Variants in CISD1 observed in about 807,000 individuals in gnomAD.
CISD1 encodes the protein CDGSH iron-sulfur domain-containing protein 1.
In CISD1, 8 loss-of-function variants were observed where a neutral mutation model predicts 12.0. The ratio of observed to expected loss-of-function variants is 0.67; its 90% CI spans 0.39 to 1.20. The LOEUF is 1.20. CISD1 is among the 50% of genes most tolerant of loss of function. CISD1 has a pLI of 0.01. For synonymous variants in CISD1, 38 were observed against 42.2 expected (o/e 0.90, Z 0.39); for missense variants, 107 against 132.7 (o/e 0.81, Z 0.95).
At position 58,288,820 on chromosome 10, in the gene CISD1, CAATT is replaced by C. The variant is rs1245633826; in HGVS notation, c.*1171_*1174del. The C allele has an allele frequency of 2.6e-5, 4 of 152,044 alleles. No individual in the cohort carries two copies. Among genetic ancestry groups the C allele is most frequent in the Non-Finnish European group, 4.4e-5 (3 of 67,876 alleles). The allele number at this position is 152,044 out of a possible 1,614,324, so 9.4% of individuals were successfully genotyped here. On this transcript the variant is annotated 3_prime_UTR_variant, in exon 3 of 3. Coordinates refer to ENST00000333926, the MANE Select transcript of CISD1 (RefSeq NM_018464.5). The stretch of plus-strand genomic sequence containing the variant: ...CAAAATTTACAGAAAATTGGGCAAA[CAATT>C]GAAATTGATAAAGCAGGTAAACATC...
chr10:58,281,360 A>G (rs1839371838), intron 2 of CISD1, among the ~76,000 whole-genome samples: 1 of 152,124 alleles, frequency 6.6e-6, no homozygotes, highest in African/African-American at 2.4e-5. Flanking sequence ...CAGTTTTCTC[A>G]TGCCTTTTTT....
In CISD1 at chr10:58,269,226, C is replaced by T. The variant is rs1207358247; in HGVS notation, c.-48C>T. 4.4e-6 allele frequency: 7 copies of T among 1,597,152 alleles called. No individual in the cohort carries two copies. The highest frequency in any genetic ancestry group is 2.2e-5 in the East Asian group (1 of 44,830). On this transcript the variant is annotated 5_prime_UTR_variant, in exon 1 of 3. Coordinates refer to ENST00000333926, the MANE Select transcript of CISD1 (RefSeq NM_018464.5). Reference sequence around the variant, plus strand: ...TTTACTCTCGCCGGCCGCGCGAACCCGTTTGAGCTCGGTATCCTAGTGCAC... The same window carrying T: ...TTTACTCTCGCCGGCCGCGCGAACCTGTTTGAGCTCGGTATCCTAGTGCAC...
chr10:58,279,434 C>T (rs1406890933), intron 2 of CISD1, among the ~76,000 whole-genome samples: 2 of 152,108 alleles, frequency 1.3e-5, no homozygotes, highest in Admixed American at 1.3e-4. Context: ...ATAAGGATTA[C>T]TCAACCCATA....
chr10:58,283,658 G>A (rs184753580), intron 2 of CISD1, among the ~76,000 whole-genome samples: 109 of 152,350 alleles, frequency 7.2e-4, no homozygotes, highest in African/African-American at 2.6e-3. Context: ...AAAAAGAAAT[G>A]TTGTGTTTTT....
intron 1 of CISD1, among the ~76,000 whole-genome samples, chr10:58,270,156 A>C (rs1839228257): frequency 3.9e-5 from 6 of 152,202 alleles, no homozygotes; most frequent in Admixed American, 3.9e-4. Flanking sequence ...TCTAGAGGTT[A>C]ATTAAAAATA....
chr10:58,283,840 T>C (rs1839399112), intron 2 of CISD1, among the ~76,000 whole-genome samples: 1 of 152,228 alleles, frequency 6.6e-6, no homozygotes, highest in African/African-American at 2.4e-5. Flanking sequence ...GGATGTTTTC[T>C]GGACATAAAG....
rs1328947094 is a variant in CISD1 at position 58,289,247 on chromosome 10, G to T, written c.*1597G>T. ...TGAACTGTTTTAAAGAAAAATAAATGCATCAACTCCCAGTGTTTCTGATAA... is the reference window on the plus strand; with the variant it reads ...TGAACTGTTTTAAAGAAAAATAAATTCATCAACTCCCAGTGTTTCTGATAA... On this transcript the variant is annotated 3_prime_UTR_variant, in exon 3 of 3. Coordinates refer to ENST00000333926, the MANE Select transcript of CISD1 (RefSeq NM_018464.5). 1 of 152,080 alleles carries T rather than the reference G, an allele frequency of 6.6e-6. No homozygotes were observed. Among genetic ancestry groups the T allele is most frequent in the South Asian group, 2.1e-4 (1 of 4,822 alleles). The allele number at this position is 152,080 out of a possible 1,614,324, so 9.4% of individuals were successfully genotyped here.
intron 2 of CISD1, 130 bp downstream of exon 2, chr10:58,277,452 C>T (rs923144934): frequency 1.1e-5 from 7 of 662,724 alleles, no homozygotes; most frequent in African/African-American, 7.5e-5. Flanking sequence ...CAGAGTCTTG[C>T]TCTGTCATCC....
intron 1 of CISD1, among the ~76,000 whole-genome samples, chr10:58,274,944 T>C (rs570354981): frequency 1.5e-4 from 23 of 152,220 alleles, no homozygotes; most frequent in Non-Finnish European, 2.6e-4. Context: ...TAGAAATTCC[T>C]ATAGTATTCT....
chr10:58,273,998 G>A (rs1839280563), intron 1 of CISD1, among the ~76,000 whole-genome samples: 1 of 152,158 alleles, frequency 6.6e-6, no homozygotes, highest in African/African-American at 2.4e-5. Context: ...GCCAGGTGTG[G>A]TGGTGGGCGC....
chr10:58,270,998 A>G (rs1460804810), intron 1 of CISD1, among the ~76,000 whole-genome samples: 1 of 151,430 alleles, frequency 6.6e-6, no homozygotes, highest in Non-Finnish European at 1.5e-5. Context: ...TGGCTTCCCA[A>G]AGTGCTGAGA....
rs1564544614 is a variant in CISD1 at position 58,269,195 on chromosome 10, G to A, written c.-79G>A. The stretch of plus-strand genomic sequence containing the variant: ...GGAGTCGGTGCTTTAGTACGCCGCT[G>A]GCACCTTTACTCTCGCCGGCCGCGC... On this transcript the variant is annotated 5_prime_UTR_variant, in exon 1 of 3. Transcript: ENST00000333926. The A allele has an allele frequency of 1.4e-6, 2 of 1,471,896 alleles. No homozygotes were observed. Among genetic ancestry groups the A allele is most frequent in the Non-Finnish European group, 1.9e-6 (2 of 1,064,020 alleles). 91.2% of individuals were successfully genotyped at this position (1,471,896 alleles called of 1,614,324 possible).
chr10:58,280,576 G>A (rs938787326), intron 2 of CISD1, among the ~76,000 whole-genome samples: 4 of 152,154 alleles, frequency 2.6e-5, no homozygotes, highest in Non-Finnish European at 2.9e-5. Flanking sequence ...CAGACAACAC[G>A]AAATGTGAGA....
chr10:58,274,440 CTTTTTTTTTT>C (rs34405014), intron 1 of CISD1, among the ~76,000 whole-genome samples: 9 of 79,150 alleles, frequency 1.1e-4, no homozygotes, highest in African/African-American at 3.4e-4. Flanking sequence ...AAAATAACAA[CTTTTTTTTTT>C]TTTTTTTTTT....
intron 1 of CISD1, among the ~76,000 whole-genome samples, chr10:58,276,552 G>T (rs1423624038): frequency 6.6e-6 from 1 of 151,624 alleles, no homozygotes; most frequent in Non-Finnish European, 1.5e-5. Context: ...TAACATTAAG[G>T]GTGGTTTTGT....
At chr10:58,287,182 A>C (rs996390764) in intron 2 of CISD1, among the ~76,000 whole-genome samples, 1 of 152,164 alleles carries the variant, frequency 6.6e-6, no homozygotes, top group African/African-American at 2.4e-5. Context: ...CAACCTCCCA[A>C]AGTGTTGAGA....
chr10:58,274,540 A>G (rs1452957623), intron 1 of CISD1, among the ~76,000 whole-genome samples: 2 of 150,976 alleles, frequency 1.3e-5, no homozygotes, highest in Admixed American at 1.3e-4. Flanking sequence ...AAAAAAAAAG[A>G]AATGGAAATT....
At chr10:58,284,737 T>C (rs1376059887) in intron 2 of CISD1, among the ~76,000 whole-genome samples, 2 of 152,188 alleles carry the variant, frequency 1.3e-5, no homozygotes, top group African/African-American at 4.8e-5. Context: ...TCCTATTCTG[T>C]ATATGGAGGA....
intron 1 of CISD1, among the ~76,000 whole-genome samples, chr10:58,274,579 A>G (rs1194022702): frequency 1.3e-5 from 2 of 151,972 alleles, no homozygotes; most frequent in Middle Eastern, 3.4e-3. Context: ...AGCAAATACA[A>G]AGCTATTTTC....
Sources: allele counts gnomAD v4.1 joint callset (sites outside exome capture counted in the v4.1 genomes callset), GRCh38; gene constraint gnomAD v4.1.1; transcripts MANE v1.5; gene names NCBI Gene and HGNC (gene_info 2026-07-23, HGNC 2026-07-21).